The following RBMS3 variants were observed in gnomAD, a reference collection of about 807,000 sequenced individuals.
RBMS3 encodes the protein RNA binding motif single stranded interacting protein 3.
RBMS3 carries 27 observed loss-of-function variants against 66.8 expected under a neutral mutation model. The observed-to-expected ratio is 0.40, with a 90% CI of 0.30 to 0.56. The LOEUF (loss-of-function observed/expected upper bound fraction) is 0.56. Ranked by LOEUF, RBMS3 falls within the 20% of genes least tolerant of loss-of-function variation. RBMS3 has a pLI of 0.40. For synonymous variants in RBMS3, 188 were observed against 183.0 expected, an observed-to-expected ratio of 1.03 and a Z score of -0.22; for missense variants, 513 against 549.5, an observed-to-expected ratio of 0.93 and a Z score of 0.66.
At chr3:29,483,701 G>A (rs1009020213) in intron 2 of RBMS3, among the ~76,000 whole-genome samples, 2 of 152,080 alleles carry the variant, frequency 1.3e-5, no homozygotes, top group East Asian at 1.9e-4. Context: ...ATACACTGAC[G>A]TGAAAAAAGA....
intron 4 of RBMS3, among the ~76,000 whole-genome samples, chr3:29,625,739 A>AATAC: frequency 6.7e-6 from 1 of 150,202 alleles, no homozygotes; most frequent in Non-Finnish European, 1.5e-5. Flanking sequence ...TAAATAAATA[A>AATAC]AAATAATCTT....
chr3:29,721,374 A>C (rs1208322302), intron 4 of RBMS3, among the ~76,000 whole-genome samples: 1 of 152,162 alleles, frequency 6.6e-6, no homozygotes, highest in African/African-American at 2.4e-5. Flanking sequence ...CAGAGATATA[A>C]TATTAAATAT....
At chr3:29,802,286 T>C (rs570272079) in intron 6 of RBMS3, among the ~76,000 whole-genome samples, 1 of 152,290 alleles carries the variant, frequency 6.6e-6, no homozygotes, top group East Asian at 1.9e-4. Flanking sequence ...ACAAAGTCAA[T>C]ACCACCAACC....
rs145123764 is a variant in RBMS3 at position 29,980,068 on chromosome 3, C to G, written c.1099-8075C>G. Among the ~76,000 whole-genome samples the G allele has an allele frequency of 3.2e-3, 489 of 152,302 alleles. 4 individuals carry two copies. The highest frequency in any genetic ancestry group is 0.011 in the African/African-American group (475 of 41,574). ...CTTCCATCAACAGTGTAAAGTGTTC[C>G]TATTTCTCCACATCCTCTCTAGCAT... On this transcript the variant is annotated intron_variant, in intron 12 of 14. Transcript: ENST00000383767.
chr3:29,285,743 G>T (rs534363217), intron 1 of RBMS3, among the ~76,000 whole-genome samples: 2 of 152,088 alleles, frequency 1.3e-5, no homozygotes, highest in African/African-American at 4.8e-5. Context: ...GCAGCCACCC[G>T]TCTCTAAAAG....
chr3:29,672,120 G>A (rs1172498672), intron 4 of RBMS3, among the ~76,000 whole-genome samples: 1 of 152,104 alleles, frequency 6.6e-6, no homozygotes, highest in Non-Finnish European at 1.5e-5. Context: ...GAAGAGAGTG[G>A]GGGCCGATAT....
chr3:29,535,127 G>A (rs901846775), intron 3 of RBMS3, among the ~76,000 whole-genome samples: 25 of 152,046 alleles, frequency 1.6e-4, no homozygotes, highest in African/African-American at 5.6e-4. Context: ...ATGGAATTCC[G>A]TTGTCAGAAA....
chr3:29,669,925 T>G (rs2050924681), intron 4 of RBMS3, among the ~76,000 whole-genome samples: 1 of 152,226 alleles, frequency 6.6e-6, no homozygotes, highest in South Asian at 2.1e-4. Flanking sequence ...AATCTTACAC[T>G]GGTGTCCTTT....
intron 1 of RBMS3, among the ~76,000 whole-genome samples, chr3:29,362,215 C>G (rs955075344): frequency 1.8e-4 from 28 of 152,204 alleles, no homozygotes; most frequent in African/African-American, 4.8e-4. Context: ...GTGACGTACA[C>G]ATGGGGTTTT....
chr3:29,701,109 T>G (rs568931158), intron 4 of RBMS3, among the ~76,000 whole-genome samples: 2 of 152,082 alleles, frequency 1.3e-5, no homozygotes, highest in African/African-American at 2.4e-5. Flanking sequence ...AAACCCAGTC[T>G]CTACTAAAAA....
intron 1 of RBMS3, among the ~76,000 whole-genome samples, chr3:29,416,131 C>G (rs543563919): frequency 6.6e-6 from 1 of 151,980 alleles, no homozygotes; most frequent in Non-Finnish European, 1.5e-5. Context: ...CTCTATCACA[C>G]GAGATACTTA....
intron 6 of RBMS3, among the ~76,000 whole-genome samples, chr3:29,777,371 T>C (rs2056463238): frequency 6.6e-6 from 1 of 151,948 alleles, no homozygotes; most frequent in African/African-American, 2.4e-5. Flanking sequence ...ATGTTTGATA[T>C]AGACACACTA....
chr3:29,292,659 A>G (rs562623040), intron 1 of RBMS3, among the ~76,000 whole-genome samples: 1 of 151,954 alleles, frequency 6.6e-6, no homozygotes, highest in Non-Finnish European at 1.5e-5. Flanking sequence ...GGCTGTCAAT[A>G]GCAGCCTAGT....
At chr3:29,786,328 G>GA (rs1196051802) in intron 6 of RBMS3, among the ~76,000 whole-genome samples, 7 of 150,910 alleles carry the variant, frequency 4.6e-5, no homozygotes, top group Non-Finnish European at 7.4e-5. Context: ...CACAGAACCA[G>GA]AAAAAAAATA....
At chr3:29,304,806 A>G (rs1456184139) in intron 1 of RBMS3, among the ~76,000 whole-genome samples, 2 of 151,928 alleles carry the variant, frequency 1.3e-5, no homozygotes, top group Non-Finnish European at 2.9e-5. Context: ...CATTGTTCAT[A>G]GCCATCTTCC....
intron 10 of RBMS3, among the ~76,000 whole-genome samples, chr3:29,935,288 A>T (rs2061237253): frequency 6.6e-6 from 1 of 152,112 alleles, no homozygotes; most frequent in South Asian, 2.1e-4. Context: ...TATGGATGGA[A>T]GTTTTTTAAA....
At chr3:29,740,701 G>A (rs1160814372) in intron 5 of RBMS3, among the ~76,000 whole-genome samples, 3 of 152,154 alleles carry the variant, frequency 2.0e-5, no homozygotes, top group Admixed American at 6.5e-5. Context: ...ATGGATGAAT[G>A]GATGGATGTT....
intron 2 of RBMS3, among the ~76,000 whole-genome samples, chr3:29,482,738 C>G (rs763170114): frequency 1.1e-5 from 1 of 94,854 alleles, no homozygotes; most frequent in East Asian, 4.1e-4. Flanking sequence ...GACGGAGTGT[C>G]GCTCTGTCAC....
intron 3 of RBMS3, among the ~76,000 whole-genome samples, chr3:29,577,565 G>T (rs2149077620): frequency 6.6e-6 from 1 of 152,280 alleles, no homozygotes. Context: ...TGATGGCAAG[G>T]CTTGCCAGGA....
Sources: allele counts gnomAD v4.1 joint callset (sites outside exome capture counted in the v4.1 genomes callset), GRCh38; gene constraint gnomAD v4.1.1; transcripts MANE v1.5; gene names NCBI Gene and HGNC (gene_info 2026-07-23, HGNC 2026-07-21).